The following ADAMTSL3 variants were observed in gnomAD, a reference collection of about 807,000 sequenced individuals.
ADAMTSL3 encodes the protein ADAMTS like 3, also known as ADAMTS-like protein 3.
A neutral mutation model predicts 201.7 loss-of-function variants in ADAMTSL3; 128 were observed. The observed-to-expected ratio is 0.63, with a 90% CI of 0.55 to 0.73. ADAMTSL3 has a LOEUF of 0.73. Ranked by LOEUF, ADAMTSL3 falls within the 30% of genes least tolerant of loss-of-function variation. The pLI is 0.00. For missense variants in ADAMTSL3, 1,990 were observed against 2,119.6 expected, an observed-to-expected ratio of 0.94 and a Z score of 1.20; for synonymous variants, 738 against 748.4, an observed-to-expected ratio of 0.99 and a Z score of 0.23.
intron 7 of ADAMTSL3, among the ~76,000 whole-genome samples, chr15:83,843,159 A>G (rs1378251892): frequency 2.0e-5 from 3 of 152,066 alleles, no homozygotes; most frequent in South Asian, 2.1e-4. Flanking sequence ...TAAGCCCCAC[A>G]TTTGCCATTC....
chr15:83,930,588 A>G (rs1162677925), intron 17 of ADAMTSL3, among the ~76,000 whole-genome samples: 2 of 152,202 alleles, frequency 1.3e-5, no homozygotes, highest in Admixed American at 6.5e-5. Flanking sequence ...CTTCCTCAGC[A>G]ATCTCTTGCC....
chr15:83,808,194 C>A (rs2141874453), intron 5 of ADAMTSL3, among the ~76,000 whole-genome samples: 1 of 151,992 alleles, frequency 6.6e-6, no homozygotes, highest in East Asian at 1.9e-4. Flanking sequence ...AAAGAGATAA[C>A]CTGAAGAATG....
rs150608185 is a variant in ADAMTSL3 at position 83,753,117 on chromosome 15, T to C, written c.190-20406T>C. ...GTCAGTAAGTGACTTCTAACTTTGC[T>C]TGACCTGCAAAACCCTGGCTACCTT... On this transcript the variant is annotated intron_variant, in intron 3 of 29. Coordinates refer to ENST00000286744, the MANE Select transcript of ADAMTSL3 (RefSeq NM_207517.3). Among the ~76,000 whole-genome samples the C allele has an allele frequency of 2.9e-3, 441 of 152,344 alleles. 4 individuals carry two copies. The highest frequency in any genetic ancestry group is 0.01 in the African/African-American group (421 of 41,584).
At chr15:83,782,890 AAAAG>A (rs1160132603) in intron 4 of ADAMTSL3, among the ~76,000 whole-genome samples, 2 of 149,330 alleles carry the variant, frequency 1.3e-5, no homozygotes, top group East Asian at 2.0e-4. Context: ...GTTAAATTAT[AAAAG>A]AAAGAGCAAT....
chr15:83,748,926 AC>A (rs1386995672), intron 3 of ADAMTSL3, among the ~76,000 whole-genome samples: 3 of 152,132 alleles, frequency 2.0e-5, no homozygotes, highest in Admixed American at 1.3e-4. Flanking sequence ...CAGGGAGCAG[AC>A]CCTGAGAGGA....
At chr15:84,003,527 C>T (rs1040684525) in intron 23 of ADAMTSL3, among the ~76,000 whole-genome samples, 1 of 152,118 alleles carries the variant, frequency 6.6e-6, no homozygotes, top group Non-Finnish European at 1.5e-5. Flanking sequence ...GCCTGTGTTC[C>T]CTTGGCTCCT....
chr15:83,773,690 C>A, intron 4 of ADAMTSL3, 40 bp downstream of exon 4: 1 of 1,589,946 alleles, frequency 6.3e-7, no homozygotes, highest in South Asian at 1.2e-5. Flanking sequence ...GTGGAATGTG[C>A]CAGTGCCTCT....
At chr15:83,961,214 T>C (rs1300634992) in intron 19 of ADAMTSL3, among the ~76,000 whole-genome samples, 1 of 151,300 alleles carries the variant, frequency 6.6e-6, no homozygotes, top group Non-Finnish European at 1.5e-5. Context: ...ATAAAGGAAA[T>C]GACTGGAAAT....
chr15:83,801,637 AATATATAAATATAAATATATATAT>A (rs1277565552), intron 4 of ADAMTSL3, among the ~76,000 whole-genome samples: 1 of 53,344 alleles, frequency 1.9e-5, no homozygotes, highest in African/African-American at 7.4e-5. Context: ...TATATATATA[AATATATAAATATAAATATATATAT>A]ATATATATAT....
At chr15:83,759,071 CT>C (rs1424107924) in intron 3 of ADAMTSL3, among the ~76,000 whole-genome samples, 2 of 152,094 alleles carry the variant, frequency 1.3e-5, no homozygotes, top group Admixed American at 6.6e-5. Flanking sequence ...GCTTTCACTG[CT>C]CGAACATCTC....
chr15:83,866,151 A>T (rs1362581818), intron 8 of ADAMTSL3, among the ~76,000 whole-genome samples: 1 of 152,244 alleles, frequency 6.6e-6, no homozygotes, highest in African/African-American at 2.4e-5. Context: ...ACACTTTTAC[A>T]CTGTTGGTGG....
Position 83,805,431 on chromosome 15 carries a change from C to G in ADAMTSL3, c.363+736C>G, listed in dbSNP as rs530192152. Among the ~76,000 whole-genome samples the G allele has an allele frequency of 2.0e-5, 3 of 152,022 alleles. No individual in the cohort carries two copies. In the East Asian group the frequency reaches 5.8e-4, roughly 29 times the overall value. On this transcript the variant is annotated intron_variant, in intron 5 of 29. Coordinates refer to ENST00000286744, the MANE Select transcript of ADAMTSL3 (RefSeq NM_207517.3). ...ACTTAGCTGGGCTTGGTGATGTGTG[C>G]CTGTAGTCCCAGCTACTTTAGAGGC...
At chr15:83,928,530 G>T (rs149448727) in intron 17 of ADAMTSL3, among the ~76,000 whole-genome samples, 6 of 152,218 alleles carry the variant, frequency 3.9e-5, no homozygotes, top group Non-Finnish European at 5.9e-5. Context: ...AAATGAGAAT[G>T]ATTTGCATAT....
At chr15:83,842,324 A>G (rs995027872) in intron 7 of ADAMTSL3, among the ~76,000 whole-genome samples, 6 of 151,992 alleles carry the variant, frequency 3.9e-5, no homozygotes, top group Non-Finnish European at 8.8e-5. Context: ...TGAGCTGATT[A>G]ACAGAAGCCA....
At chr15:84,022,754 C>T (rs1388231257) in intron 26 of ADAMTSL3, among the ~76,000 whole-genome samples, 1 of 152,098 alleles carries the variant, frequency 6.6e-6, no homozygotes. Context: ...ATATTTGGGC[C>T]TTGGGCTATC....
At chr15:83,868,754 A>G (rs1383400495) in intron 8 of ADAMTSL3, among the ~76,000 whole-genome samples, 2 of 152,224 alleles carry the variant, frequency 1.3e-5, no homozygotes, top group African/African-American at 2.4e-5. Context: ...GGTTTGGGTA[A>G]TTTATGTGAA....
intron 6 of ADAMTSL3, among the ~76,000 whole-genome samples, chr15:83,823,937 C>A (rs2063945997): frequency 8.2e-6 from 1 of 121,346 alleles, no homozygotes; most frequent in Non-Finnish European, 1.8e-5. Flanking sequence ...TCTTCTTCTT[C>A]TTCTTCTTCT....
At chr15:83,862,262 C>A (rs2064879935) in intron 8 of ADAMTSL3, 1 of 152,148 alleles carries the variant, frequency 6.6e-6, no homozygotes. Context: ...TCAGGAAATA[C>A]AGAGAATGCC....
At chr15:83,789,944 G>A (rs1406578221) in intron 4 of ADAMTSL3, among the ~76,000 whole-genome samples, 5 of 152,044 alleles carry the variant, frequency 3.3e-5, no homozygotes, top group African/African-American at 9.7e-5. Context: ...TGTGAGTTCT[G>A]CAGAGCTAAT....
Sources: gnomAD v4.1 joint callset for allele counts (sites outside exome capture counted in the v4.1 genomes callset) on GRCh38, gnomAD v4.1.1 for gene constraint, MANE v1.5 for transcripts, NCBI Gene and HGNC (gene_info 2026-07-23, HGNC 2026-07-21) for gene names.